RTCB: variants seen among roughly 807,000 people sequenced by gnomAD.
RTCB encodes the protein RNA 2',3'-cyclic phosphate and 5'-OH ligase.
In RTCB, 32 loss-of-function variants were observed where a neutral mutation model predicts 58.2. That is an observed-to-expected ratio of 0.55 (90% CI 0.41 to 0.74). The LOEUF is 0.74. Among genes scored for constraint, RTCB ranks in the 30% least tolerant of loss-of-function variants. The pLI is 0.00. For synonymous variants in RTCB, 247 were observed against 218.6 expected (o/e 1.13, Z -1.15); for missense variants, 523 against 639.0 (o/e 0.82, Z 1.96).
At chr22:32,408,041 T>G in intron 3 of RTCB, 134 bp downstream of exon 3, 1 of 770,742 alleles carries the variant, frequency 1.3e-6, no homozygotes, top group Non-Finnish European at 2.1e-6. Context: ...CATGAGCCAC[T>G]GAGCCTGGCT....
intron 4 of RTCB, 147 bp downstream of exon 4, chr22:32,406,515 G>A: frequency 4.0e-6 from 2 of 503,644 alleles, no homozygotes; most frequent in East Asian, 7.1e-5. Flanking sequence ...TAGAGACACG[G>A]TTTCACCATG....
At chr22:32,401,713 T>A in intron 5 of RTCB, 34 bp downstream of exon 5, 1 of 1,609,326 alleles carries the variant, frequency 6.2e-7, no homozygotes, top group Non-Finnish European at 8.5e-7. Context: ...TTATTATCCC[T>A]CCCATACCAT....
Position 32,409,212 on chromosome 22 carries a change from A to AC in RTCB, c.94-380dup, listed in dbSNP as rs200297457. On this transcript the variant is annotated intron_variant, in intron 1 of 11. Coordinates refer to ENST00000216038, the MANE Select transcript of RTCB (RefSeq NM_014306.5). ...GGTTTTTTGAAAATTAAAAAAAAAA[A>AC]CCAAATGAATCAAAAAGTCCAATTC... 7.7e-4 allele frequency among the ~76,000 whole-genome samples: 117 copies of AC among 151,558 alleles called. 1 individual carries two copies. The highest frequency in any genetic ancestry group is 2.3e-3 in the African/African-American group (95 of 41,250).
rs1164697250 is a variant in RTCB at position 32,406,870 on chromosome 22, A to C, written c.241-109T>G. 4.5e-6 allele frequency: 3 copies of C among 672,970 alleles called. No individual in the cohort carries two copies. The African/African-American group carries it at 5.4e-5, about 12-fold the overall frequency. 41.7% of individuals were successfully genotyped at this position (672,970 alleles called of 1,614,324 possible). A position where few individuals can be genotyped will look rare whatever the true frequency, so the allele number is the denominator to read the frequency against. ...CAGGTTGCAGGCTGAAGCTTTCCCT[A>C]AATCAAGACTGTGTTTTCACAAAAT... On this transcript the variant is annotated intron_variant, in intron 3 of 11. Coordinates refer to ENST00000216038, the MANE Select transcript of RTCB (RefSeq NM_014306.5).
At chr22:32,407,427 A>G (rs889119084) in intron 3 of RTCB, 3 of 152,748 alleles carry the variant, frequency 2.0e-5, no homozygotes, top group African/African-American at 4.8e-5. Flanking sequence ...TATGAATGTT[A>G]AACTGTGGTG....
chr22:32,404,561 C>T (rs1179833985), intron 4 of RTCB, among the ~76,000 whole-genome samples: 1 of 152,192 alleles, frequency 6.6e-6, no homozygotes, highest in Non-Finnish European at 1.5e-5. Flanking sequence ...TGTGCGCCAC[C>T]ATACCCAGCT....
chr22:32,410,434 G>C (rs1933500574), intron 1 of RTCB, among the ~76,000 whole-genome samples: 2 of 150,628 alleles, frequency 1.3e-5, no homozygotes, highest in Admixed American at 6.6e-5. Flanking sequence ...ATGATTATCT[G>C]TGTGAAATTC....
At position 32,395,011 on chromosome 22, in the gene RTCB, C is replaced by G. The variant is rs377059010; in HGVS notation, c.1179+15G>C. ...TGCCCCCACTGCTTAAAACTACAAA[C>G]GTAGAGCTACGTACTTGGTAATCAA... On this transcript the variant is annotated intron_variant, in intron 9 of 11. Transcript: ENST00000216038. 1.3e-6 allele frequency: 2 copies of G among 1,598,414 alleles called. No homozygotes were observed. Among genetic ancestry groups the G allele is most frequent in the African/African-American group, 2.7e-5 (2 of 74,598 alleles).
At chr22:32,393,682 C>A (rs2145890034) in intron 10 of RTCB, among the ~76,000 whole-genome samples, 1 of 152,290 alleles carries the variant, frequency 6.6e-6, no homozygotes, top group Admixed American at 6.5e-5. Flanking sequence ...CGGTCCCTAA[C>A]CCTACCAGAT....
chr22:32,412,245 A>G lies in RTCB; in HGVS notation c.-89T>C, dbSNP rs1933543771. The G allele has an allele frequency of 8.6e-7, 1 of 1,161,022 alleles. No individual in the cohort carries two copies. The highest frequency in any genetic ancestry group is 2.3e-4 in the Middle Eastern group (1 of 4,436). 71.9% of individuals were successfully genotyped at this position (1,161,022 alleles called of 1,614,324 possible). A position where few individuals can be genotyped will look rare whatever the true frequency, so the allele number is the denominator to read the frequency against. On this transcript the variant is annotated 5_prime_UTR_variant, in exon 1 of 12. Transcript: ENST00000216038. ...GCTTCTCAGAGCACCGCCTTCCAAG[A>G]ACCAAAGCGCAGGCGCGACCAGCGC...
intron 3 of RTCB, 70 bp downstream of exon 3, chr22:32,408,105 G>A (rs938971490): frequency 7.4e-7 from 1 of 1,359,488 alleles, no homozygotes; most frequent in Admixed American, 1.7e-5. Context: ...ACCACTATCA[G>A]GCATGGCCAT....
At chr22:32,399,367 C>T (rs1216483305) in intron 6 of RTCB, among the ~76,000 whole-genome samples, 1 of 151,688 alleles carries the variant, frequency 6.6e-6, no homozygotes, top group Non-Finnish European at 1.5e-5. Flanking sequence ...TGGTCTCGAA[C>T]TCCTGGCCTC....
At chr22:32,395,695 G>A (rs1377912453) in intron 8 of RTCB, among the ~76,000 whole-genome samples, 4 of 151,758 alleles carry the variant, frequency 2.6e-5, no homozygotes, top group Admixed American at 6.6e-5. Context: ...TGGACTGCAC[G>A]ATGTTTTTTT....
At chr22:32,405,408 T>C (rs1395173692) in intron 4 of RTCB, among the ~76,000 whole-genome samples, 1 of 152,194 alleles carries the variant, frequency 6.6e-6, no homozygotes, top group Non-Finnish European at 1.5e-5. Context: ...GTGGTCAGTT[T>C]TGGTAAACTG....
chr22:32,412,231 C>T lies in RTCB; in HGVS notation c.-75G>A, dbSNP rs957292656. 6.3e-6 allele frequency: 8 copies of T among 1,267,570 alleles called. No individual in the cohort carries two copies. Among genetic ancestry groups the T allele is most frequent in the African/African-American group, 6.0e-5 (4 of 66,564 alleles). The allele number at this position is 1,267,570 out of a possible 1,614,324, so 78.5% of individuals were successfully genotyped here. A position where few individuals can be genotyped will look rare whatever the true frequency, so the allele number is the denominator to read the frequency against. ...TGCCGCGTAGTCCGGCTTCTCAGAG[C>T]ACCGCCTTCCAAGAACCAAAGCGCA... is the stretch of plus-strand genomic sequence containing the variant. On this transcript the variant is annotated 5_prime_UTR_variant, in exon 1 of 12. Transcript: ENST00000216038.
intron 7 of RTCB, among the ~76,000 whole-genome samples, chr22:32,397,487 T>A (rs1007468112): frequency 6.6e-6 from 1 of 152,264 alleles, no homozygotes. Context: ...CTTTACTTCA[T>A]GAGACAATTT....
chr22:32,406,581 A>T (rs1320926818), intron 4 of RTCB, 81 bp downstream of exon 4: 1 of 929,370 alleles, frequency 1.1e-6, no homozygotes, highest in East Asian at 2.6e-5. Context: ...TCGGCCTCCC[A>T]AAGTGCTGGG....
At chr22:32,402,599 G>A (rs1321801259) in intron 4 of RTCB, among the ~76,000 whole-genome samples, 5 of 131,748 alleles carry the variant, frequency 3.8e-5, no homozygotes, top group African/African-American at 1.3e-4. Flanking sequence ...ACAGGCGTGC[G>A]CCACCACACC....
chr22:32,396,972 G>C (rs985927005), intron 7 of RTCB, among the ~76,000 whole-genome samples: 1 of 150,882 alleles, frequency 6.6e-6, no homozygotes, highest in African/African-American at 2.5e-5. Flanking sequence ...GGGCAGCCAC[G>C]CCCCAGGCAC....
Sources: allele counts gnomAD v4.1 joint callset (sites outside exome capture counted in the v4.1 genomes callset), GRCh38; gene constraint gnomAD v4.1.1; transcripts MANE v1.5; gene names NCBI Gene and HGNC (gene_info 2026-07-23, HGNC 2026-07-21).